The following GABRA3 variants were observed in gnomAD, a reference collection of about 807,000 sequenced individuals.
GABRA3 encodes gamma-aminobutyric acid receptor subunit alpha-3.
Under a neutral mutation model 30.1 loss-of-function variants are expected in GABRA3, and 10 were observed. The ratio of observed to expected loss-of-function variants is 0.33; its 90% CI spans 0.20 to 0.56. The LOEUF (loss-of-function observed/expected upper bound fraction) is 0.56, where lower values mean the gene tolerates loss of function less well. GABRA3 is among the 20% of genes least tolerant of loss of function. The pLI, the probability that GABRA3 is intolerant of heterozygous loss-of-function variation, is 0.89. For missense variants in GABRA3, 233 were observed against 392.0 expected (o/e 0.59, Z 3.42); for synonymous variants, 151 against 146.8 (o/e 1.03, Z -0.21).
intron 4 of GABRA3, among the ~76,000 whole-genome samples, chrX:152,256,797 A>C (rs952816361): frequency 3.6e-5 from 4 of 112,011 alleles, no homozygotes; most frequent in African/African-American, 6.5e-5. Context: ...AGCAGACAGA[A>C]ACCTAAGGTG....
chrX:152,308,062 A>C, intron 3 of GABRA3, among the ~76,000 whole-genome samples: 1 of 112,656 alleles, frequency 8.9e-6, no homozygotes, highest in Non-Finnish European at 1.9e-5. Flanking sequence ...TCTTGCCTAT[A>C]GGATAAGGCC....
At chrX:152,440,126 T>C (rs1930884898) in intron 1 of GABRA3, among the ~76,000 whole-genome samples, 1 of 111,764 alleles carries the variant, frequency 8.9e-6, no homozygotes, top group Non-Finnish European at 1.9e-5. Flanking sequence ...TCTATCCAAC[T>C]GACAAAGGGC....
intron 8 of GABRA3, among the ~76,000 whole-genome samples, chrX:152,193,711 A>C (rs1169705379): frequency 8.9e-6 from 1 of 112,658 alleles, no homozygotes. Context: ...TAATATAATA[A>C]CTTTAGGCCG....
intron 5 of GABRA3, among the ~76,000 whole-genome samples, chrX:152,228,576 T>C (rs1308008335): frequency 9.1e-6 from 1 of 110,265 alleles, no homozygotes; most frequent in East Asian, 2.8e-4. Flanking sequence ...AGGAACACCA[T>C]TTTCTTTATT....
chrX:152,381,922 C>A (rs937957317), intron 1 of GABRA3, among the ~76,000 whole-genome samples: 1 of 111,341 alleles, frequency 9.0e-6, no homozygotes, highest in African/African-American at 3.3e-5. Context: ...GGTGCCTATG[C>A]GCCACATTTT....
At chrX:152,230,213 T>C (rs1476516835) in intron 5 of GABRA3, among the ~76,000 whole-genome samples, 1 of 111,659 alleles carries the variant, frequency 9.0e-6, no homozygotes, top group Non-Finnish European at 1.9e-5. Flanking sequence ...AATTGTACAC[T>C]TCAAGAGGAT....
chrX:152,360,502 T>A (rs1603247712), intron 2 of GABRA3, among the ~76,000 whole-genome samples: 2 of 83,147 alleles, frequency 2.4e-5, no homozygotes, highest in African/African-American at 9.1e-5. Flanking sequence ...AACAATGAGA[T>A]CACATGGACA....
At chrX:152,175,451 AG>A (rs1201959805) in intron 9 of GABRA3, among the ~76,000 whole-genome samples, 1 of 111,587 alleles carries the variant, frequency 9.0e-6, no homozygotes, top group Admixed American at 9.6e-5. Flanking sequence ...CTTGGGGTGC[AG>A]GAATAAATGG....
rs145189864 is a variant in GABRA3 at position 152,188,952 on chromosome X, C to T, written c.1143+778G>A. Among the ~76,000 whole-genome samples, 417 of 111,411 alleles carry T rather than the reference C, an allele frequency of 3.7e-3. 4 individuals are homozygous for T. The Middle Eastern group carries it at 0.079, about 21-fold the overall frequency. On this transcript the variant is annotated intron_variant, in intron 9 of 9. Coordinates refer to ENST00000370314, the MANE Select transcript of GABRA3 (RefSeq NM_000808.4). Reference sequence around the variant, plus strand: ...ATTTCACTGTATTCATGTTTTATTCCTATCAATTTAGTTGGTTTAATGATT... The same window carrying T: ...ATTTCACTGTATTCATGTTTTATTCTTATCAATTTAGTTGGTTTAATGATT...
intron 4 of GABRA3, among the ~76,000 whole-genome samples, chrX:152,278,536 T>A (rs781361324): frequency 8.9e-6 from 1 of 111,830 alleles, no homozygotes; most frequent in South Asian, 3.8e-4. Context: ...TGGTTCCAAG[T>A]CTTCGCTATT....
In GABRA3 at chrX:152,359,734, A is replaced by G. The variant is rs946255519; in HGVS notation, c.140+4697T>C. On this transcript the variant is annotated intron_variant, in intron 2 of 9. Transcript: ENST00000370314. ...TTAACACTCTTTAGCCATGTCCCAG[A>G]GATTCTGGTATTTGTATCTTTGTTC... is the stretch of plus-strand genomic sequence containing the variant. Among the ~76,000 whole-genome samples the G allele has an allele frequency of 8.6e-4, 96 of 111,225 alleles. 1 individual carries two copies. Among genetic ancestry groups the G allele is most frequent in the Non-Finnish European group, 1.6e-3 (87 of 53,031 alleles).
intron 2 of GABRA3, among the ~76,000 whole-genome samples, chrX:152,355,683 C>A (rs760893153): frequency 1.2e-4 from 13 of 111,978 alleles, no homozygotes; most frequent in Non-Finnish European, 2.4e-4. Context: ...CAACAAATTG[C>A]AGTCAGACCT....
At chrX:152,438,489 C>T (rs1240146009) in intron 1 of GABRA3, among the ~76,000 whole-genome samples, 1 of 112,165 alleles carries the variant, frequency 8.9e-6, no homozygotes, top group East Asian at 2.8e-4. Flanking sequence ...AACTTATATC[C>T]ACACAAAAAC....
At chrX:152,426,576 G>A (rs890335871) in intron 1 of GABRA3, among the ~76,000 whole-genome samples, 1 of 111,426 alleles carries the variant, frequency 9.0e-6, no homozygotes, top group Non-Finnish European at 1.9e-5. Flanking sequence ...TCACTTCTAA[G>A]AATTCCCTTG....
At chrX:152,369,778 A>G (rs943269907) in intron 1 of GABRA3, among the ~76,000 whole-genome samples, 4 of 110,648 alleles carry the variant, frequency 3.6e-5, no homozygotes, top group African/African-American at 1.3e-4. Context: ...GAAAAGCTCA[A>G]TGGGGATGAG....
chrX:152,436,961 T>C (rs1930792028), intron 1 of GABRA3, among the ~76,000 whole-genome samples: 1 of 111,456 alleles, frequency 9.0e-6, no homozygotes. Context: ...ATATTTAATA[T>C]TATATATTGT....
chrX:152,266,499 A>G (rs1938827270), intron 4 of GABRA3, among the ~76,000 whole-genome samples: 1 of 111,972 alleles, frequency 8.9e-6, no homozygotes, highest in African/African-American at 3.2e-5. Flanking sequence ...TCACCTCAGA[A>G]TTCTATAGCC....
chrX:152,441,783 GA>G (rs201857473), intron 1 of GABRA3, among the ~76,000 whole-genome samples: 8,099 of 110,482 alleles, frequency 0.073, 555 homozygotes, highest in African/African-American at 0.22. Flanking sequence ...ATTTTACATG[GA>G]AAAAAAACTG....
chrX:152,222,929 G>T (rs1371678398), intron 6 of GABRA3, among the ~76,000 whole-genome samples: 1 of 109,553 alleles, frequency 9.1e-6, no homozygotes, highest in African/African-American at 3.3e-5. Flanking sequence ...TTTCATATTA[G>T]CTTTTGTCCT....
Sources: gnomAD v4.1 joint callset for allele counts (sites outside exome capture counted in the v4.1 genomes callset) on GRCh38, gnomAD v4.1.1 for gene constraint, MANE v1.5 for transcripts, NCBI Gene and HGNC (gene_info 2026-07-23, HGNC 2026-07-21) for gene names.